The following ABR variants were observed in gnomAD, a reference collection of about 807,000 sequenced individuals.
ABR encodes ABR activator of RhoGEF and GTPase.
ABR carries 35 observed loss-of-function variants against 107.2 expected under a neutral mutation model. That is an observed-to-expected ratio of 0.33 (90% CI 0.25 to 0.43). The LOEUF (loss-of-function observed/expected upper bound fraction) is 0.43. Ranked by LOEUF, ABR falls within the 20% of genes least tolerant of loss-of-function variation. ABR has a pLI of 1.00. For synonymous variants in ABR, 498 were observed against 462.0 expected (o/e 1.08, Z -1.00); for missense variants, 815 against 1,115.2 (o/e 0.73, Z 3.83).
At chr17:1,119,955 C>T (rs929080019) in intron 2 of ABR, among the ~76,000 whole-genome samples, 6 of 152,298 alleles carry the variant, frequency 3.9e-5, no homozygotes, top group East Asian at 1.9e-4. Context: ...TATTCGCAGG[C>T]GTGATCCTAG....
At chr17:1,132,579 G>A (rs1173621306) in intron 1 of ABR, among the ~76,000 whole-genome samples, 2 of 151,754 alleles carry the variant, frequency 1.3e-5, no homozygotes, top group South Asian at 2.1e-4. Context: ...GGGTTTCACC[G>A]TGTTAGCCGG....
intron 2 of ABR, chr17:1,101,012 T>C (rs9906596): frequency 0.013 from 5,799 of 463,022 alleles, 269 homozygotes; most frequent in African/African-American, 0.1. Flanking sequence ...TTAGTAGAGA[T>C]GGGGTTTCAC....
chr17:1,077,120 G>T (rs1218550130), intron 6 of ABR, among the ~76,000 whole-genome samples: 4 of 152,192 alleles, frequency 2.6e-5, no homozygotes, highest in Non-Finnish European at 1.5e-5. Context: ...GCTACAAGTG[G>T]TGGGAGCTGG....
At chr17:1,101,878 C>T (rs1199950980) in intron 2 of ABR, among the ~76,000 whole-genome samples, 4 of 152,020 alleles carry the variant, frequency 2.6e-5, no homozygotes, top group Non-Finnish European at 2.9e-5. Context: ...GGACTACAGG[C>T]TCCCGCCACC....
chr17:1,121,664 A>T (rs1476624361), intron 2 of ABR, among the ~76,000 whole-genome samples: 1 of 132,602 alleles, frequency 7.5e-6, no homozygotes, highest in Admixed American at 7.5e-5. Context: ...TCACAGTGGG[A>T]TGGGAGCTGA....
At chr17:1,100,847 G>A (rs1260922959) in intron 2 of ABR, 112 bp from the exon 3 acceptor site, 9 of 1,025,048 alleles carry the variant, frequency 8.8e-6, no homozygotes, top group East Asian at 2.4e-5. Flanking sequence ...TTTTTGAGAC[G>A]AAGTCTCGCT....
chr17:1,064,592 A>G, intron 10 of ABR, among the ~76,000 whole-genome samples: 1 of 115,146 alleles, frequency 8.7e-6, no homozygotes, highest in East Asian at 2.7e-4. Context: ...CTGTTATGTG[A>G]ACTGAGGGCT....
At chr17:1,100,761 C>G (rs779433040) in intron 2 of ABR, 26 bp from the exon 3 acceptor site, 25 of 1,611,872 alleles carry the variant, frequency 1.6e-5, no homozygotes, top group African/African-American at 2.7e-5. Flanking sequence ...GCACAGCCAA[C>G]AGCTCATGAG....
intron 1 of ABR, among the ~76,000 whole-genome samples, chr17:1,165,313 A>C (rs575641848): frequency 1.2e-3 from 186 of 152,326 alleles, no homozygotes; most frequent in African/African-American, 4.2e-3. Flanking sequence ...AGCTCCTCAC[A>C]AGCCAGTGCT....
chr17:1,011,016 G>A lies in ABR; in HGVS notation c.2102-153C>T. ...GTAGAGAGGGCCCACAGGTGTCTGT[G>A]ACTCGGCTCTGTGGGTCGGGGTTGG... On this transcript the variant is annotated intron_variant, in intron 19 of 22. Coordinates refer to ENST00000302538, the MANE Select transcript of ABR (RefSeq NM_021962.5). The surrounding 1 kb of genome is among the most constrained non-coding windows in gnomAD (Gnocchi z 4.8). 1.0e-6 allele frequency: 1 copy of A among 991,432 alleles called. No homozygotes were observed. Among genetic ancestry groups the A allele is most frequent in the Non-Finnish European group, 1.5e-6 (1 of 674,106 alleles). The allele number at this position is 991,432 out of a possible 1,614,324, so 61.4% of individuals were successfully genotyped here. A position where few individuals can be genotyped will look rare whatever the true frequency, so the allele number is the denominator to read the frequency against.
At chr17:1,199,081 C>G (rs1356132910) in intron 1 of ABR, among the ~76,000 whole-genome samples, 1 of 145,314 alleles carries the variant, frequency 6.9e-6, no homozygotes, top group African/African-American at 2.5e-5. Context: ...GTGCCTGGTT[C>G]CAAGGACGAG....
intron 16 of ABR, among the ~76,000 whole-genome samples, chr17:1,046,387 C>G (rs969042399): frequency 6.6e-6 from 1 of 151,684 alleles, no homozygotes; most frequent in African/African-American, 2.4e-5. Flanking sequence ...CCGCCCGCCT[C>G]GGCCTCCCAA....
intron 2 of ABR, among the ~76,000 whole-genome samples, chr17:1,102,080 A>G (rs1011501314): frequency 6.6e-6 from 1 of 152,180 alleles, no homozygotes; most frequent in African/African-American, 2.4e-5. Context: ...AGACTGGGAC[A>G]TGGGGCCCAC....
rs1244169760 is a variant in ABR, at chr17:1,006,031, G to A, written c.*49C>T. The A allele has an allele frequency of 1.4e-6, 2 of 1,477,216 alleles. No homozygotes were observed. The highest frequency in any genetic ancestry group is 9.3e-7 in the Non-Finnish European group (1 of 1,079,672). 91.5% of individuals were successfully genotyped at this position (1,477,216 alleles called of 1,614,324 possible). ...TCTTTCAAGTCTGAGTTGGACCCCA[G>A]GCTGGAGGGGCTGGTTCCACCACCC... On this transcript the variant is annotated 3_prime_UTR_variant, in exon 23 of 23. Coordinates refer to ENST00000302538, the MANE Select transcript of ABR (RefSeq NM_021962.5).
intron 1 of ABR, among the ~76,000 whole-genome samples, chr17:1,137,470 AGG>A (rs2040120150): frequency 6.6e-6 from 1 of 152,026 alleles, no homozygotes; most frequent in Non-Finnish European, 1.5e-5. Flanking sequence ...GAGCGGGGAG[AGG>A]AGAGAGGCTG....
chr17:1,090,989 A>G (rs1296628800), intron 4 of ABR, among the ~76,000 whole-genome samples: 1 of 152,192 alleles, frequency 6.6e-6, no homozygotes, highest in African/African-American at 2.4e-5. Flanking sequence ...ACAGGGAACC[A>G]GAAGACTTCT....
chr17:1,134,756 C>T (rs1024323457), intron 1 of ABR, among the ~76,000 whole-genome samples: 6 of 152,234 alleles, frequency 3.9e-5, no homozygotes, highest in Admixed American at 1.3e-4. Context: ...GAAGACAGTT[C>T]ATCGCTGTGG....
Position 1,050,984 on chromosome 17 carries a change from G to A in ABR, c.1562-350C>T, listed in dbSNP as rs140654452. The stretch of plus-strand genomic sequence containing the variant: ...CCTCTAAAGGGCCCTTGACTGTTCC[G>A]TCTCCACATCTTCCTCACCATGGAG... On this transcript the variant is annotated intron_variant, in intron 14 of 22. Transcript: ENST00000302538. This position sits in a 1 kb window ranked among gnomAD's most constrained non-coding sequence, Gnocchi z 4.6. Among the ~76,000 whole-genome samples, 895 of 151,672 alleles carry A rather than the reference G, an allele frequency of 5.9e-3. 13 individuals are homozygous for A. Among genetic ancestry groups the A allele is most frequent in the African/African-American group, 0.016 (659 of 41,278 alleles).
chr17:1,199,780 G>GTT (rs557075388), intron 1 of ABR, among the ~76,000 whole-genome samples: 2 of 148,712 alleles, frequency 1.3e-5, no homozygotes, highest in South Asian at 2.1e-4. Context: ...AGTTTATTCA[G>GTT]TTTTTTTTTT....
Sources: allele counts gnomAD v4.1 joint callset (sites outside exome capture counted in the v4.1 genomes callset), GRCh38; gene constraint gnomAD v4.1.1; non-coding constraint Gnocchi (gnomAD v3.1); transcripts MANE v1.5; gene names NCBI Gene and HGNC (gene_info 2026-07-23, HGNC 2026-07-21).